ADGRF1: variants seen among roughly 807,000 people sequenced by gnomAD.
The protein encoded by ADGRF1 is adhesion G protein-coupled receptor F1, also known as G protein-coupled receptor 110.
Under a neutral mutation model 87.2 loss-of-function variants are expected in ADGRF1, and 85 were observed. That is an observed-to-expected ratio of 0.97 (90% confidence interval 0.82 to 1.17). ADGRF1 has a LOEUF of 1.17. Ranked by LOEUF, ADGRF1 falls within the 50% of genes most tolerant of loss-of-function variation. ADGRF1 has a pLI of 0.00. For synonymous variants in ADGRF1, 430 were observed against 408.8 expected (o/e 1.05, Z -0.63); for missense variants, 1,169 against 1,077.2 (o/e 1.09, Z -1.19).
chr6:47,019,576 C>T (rs189510900), intron 7 of ADGRF1: 7 of 284,344 alleles, frequency 2.5e-5, no homozygotes, highest in African/African-American at 1.6e-4. Context: ...CCCAGCTACT[C>T]GGGAGGCTGA....
chr6:47,021,865 T>A, intron 6 of ADGRF1, 93 bp downstream of exon 6: 1 of 694,006 alleles, frequency 1.4e-6, no homozygotes, highest in Non-Finnish European at 2.5e-6. Flanking sequence ...AACGAATAAT[T>A]AAGAATATGT....
intron 9 of ADGRF1, chr6:47,014,374 G>C (rs1779798149): frequency 9.5e-7 from 1 of 1,055,888 alleles, no homozygotes; most frequent in African/African-American, 1.7e-5. Flanking sequence ...GACTTCTGAG[G>C]CCAGCTTAGT....
Position 47,024,873 on chromosome 6 carries a change from A to G in ADGRF1, c.278-656T>C, listed in dbSNP as rs74868024. 4.5e-3 allele frequency among the ~76,000 whole-genome samples: 684 copies of G among 152,332 alleles called. 4 individuals carry two copies. The highest frequency in any genetic ancestry group is 0.016 in the African/African-American group (649 of 41,582). On this transcript the variant is annotated intron_variant, in intron 4 of 14. Transcript: ENST00000371253. Reference sequence around the variant, plus strand: ...GGATTAGCATGCAAAAGAAGGATGTATACCCCATACATAGCCACTGCAATG... The same window carrying G: ...GGATTAGCATGCAAAAGAAGGATGTGTACCCCATACATAGCCACTGCAATG...
chr6:47,030,574 ATATGTGTG>A (rs1780381849), intron 1 of ADGRF1, among the ~76,000 whole-genome samples: 1 of 99,220 alleles, frequency 1.0e-5, no homozygotes, highest in Admixed American at 9.6e-5. Context: ...GATAACATGA[ATATGTGTG>A]TGTGTGTGTG....
chr6:47,029,937 A>G lies in ADGRF1; in HGVS notation c.-43-833T>C, dbSNP rs1373267051. Among the ~76,000 whole-genome samples the G allele has an allele frequency of 2.6e-5, 4 of 152,360 alleles. No homozygotes were observed. In the East Asian group the frequency reaches 5.8e-4, roughly 22 times the overall value. ...CAGCATTGATAGAACTTAAAGGAAT[A>G]CCTTCTTCTGGCCTCTCAATGTTTC... is the stretch of plus-strand genomic sequence containing the variant. On this transcript the variant is annotated intron_variant, in intron 1 of 14. Transcript: ENST00000371253.
intron 10 of ADGRF1, among the ~76,000 whole-genome samples, 160 bp from the exon 11 acceptor site, chr6:47,010,478 C>T (rs1582148413): frequency 6.6e-6 from 1 of 152,208 alleles, no homozygotes; most frequent in Admixed American, 6.5e-5. Flanking sequence ...CTCAGTTCAT[C>T]TGTACAGTAG....
In ADGRF1 at chr6:47,010,250, C is replaced by G. The variant is rs778684162; in HGVS notation, c.1185G>C (p.Arg395=). Reference sequence around the variant, plus strand: ...ACCGTGAGCTGGCATACTTTTCTTCCCGCAGTAAGACTGTCCAGTTGGTTA... The same window carrying G: ...ACCGTGAGCTGGCATACTTTTCTTCGCGCAGTAAGACTGTCCAGTTGGTTA... ...ASVTNWTVLL[R]EEKYASSRLL... is the part of the protein sequence containing the mutation. The change falls in exon 11 of 15, where the codon CGG becomes CGC. Residue 395 remains arginine, a synonymous_variant. Transcript: ENST00000371253. The G allele has an allele frequency of 6.2e-7, 1 of 1,613,910 alleles. No homozygotes were observed. Among genetic ancestry groups the G allele is most frequent in the South Asian group, 1.1e-5 (1 of 91,066 alleles).
In ADGRF1 at chr6:47,009,268, G is replaced by C; in HGVS notation, c.2167C>G (p.Pro723Ala). 6.2e-7 allele frequency: 1 copy of C among 1,614,134 alleles called. No individual in the cohort carries two copies. The highest frequency in any genetic ancestry group is 2.2e-5 in the East Asian group (1 of 44,876). ...TCTTTCCTTTTGTAGGTATTGCTAGGTTGCGTGACAGCAATGGTAATGACA... is the reference window on the plus strand; with the variant it reads ...TCTTTCCTTTTGTAGGTATTGCTAGCTTGCGTGACAGCAATGGTAATGACA... ...ISVITIAVTQ[P>A]SNTYKRKDVC... The change falls in exon 11 of 15, where the codon CCT becomes GCT. Residue 723 changes from proline to alanine, a missense_variant. Pro to Ala is a conservative substitution (Grantham distance 27). Coordinates refer to ENST00000371253, the MANE Select transcript of ADGRF1 (RefSeq NM_153840.4).
intron 13 of ADGRF1, among the ~76,000 whole-genome samples, chr6:47,004,759 A>G (rs1300790289): frequency 1.3e-5 from 2 of 152,212 alleles, no homozygotes; most frequent in South Asian, 2.1e-4. Flanking sequence ...GAATGTGAGA[A>G]CTTCTGCTTT....
Position 47,014,686 on chromosome 6 carries a change from T to C in ADGRF1, c.922A>G (p.Asn308Asp). 6.2e-7 allele frequency: 1 copy of C among 1,613,184 alleles called. No homozygotes were observed. Among genetic ancestry groups the C allele is most frequent in the Non-Finnish European group, 8.5e-7 (1 of 1,179,740 alleles). ...ACACAGTGAAAATGCCTCACCTTGTTCAGTTCTTCAAGCAGAGAGAGCACA... is the reference window on the plus strand; with the variant it reads ...ACACAGTGAAAATGCCTCACCTTGTCCAGTTCTTCAAGCAGAGAGAGCACA... ...TCVLSLLEEL[N>D]KNFSMIVGNA... is the part of the protein sequence containing the mutation. The change falls in exon 9 of 15, where the codon AAC (asparagine) becomes GAC (aspartate). Residue 308 changes from asparagine to aspartate, a missense_variant. Physicochemically the swap from Asn to Asp is conservative, Grantham distance 23. Transcript: ENST00000371253.
At chr6:47,013,182 C>T (rs952494646) in intron 9 of ADGRF1, 22 of 985,362 alleles carry the variant, frequency 2.2e-5, no homozygotes, top group Admixed American at 6.2e-5. Context: ...ACATTAAGTC[C>T]ACTCAGGCGC....
intron 1 of ADGRF1, among the ~76,000 whole-genome samples, chr6:47,031,056 C>T (rs1582186837): frequency 6.6e-6 from 1 of 152,202 alleles, no homozygotes; most frequent in African/African-American, 2.4e-5. Context: ...AGCCACCATG[C>T]CCGGCCACTT....
At chr6:47,008,547 C>T (rs2113879642) in intron 11 of ADGRF1, among the ~76,000 whole-genome samples, 1 of 152,290 alleles carries the variant, frequency 6.6e-6, no homozygotes, top group East Asian at 1.9e-4. Context: ...TTGCATTTTG[C>T]TAGCCCCTTC....
At chr6:47,012,853 T>C in intron 9 of ADGRF1, 2 of 823,652 alleles carry the variant, frequency 2.4e-6, no homozygotes, top group South Asian at 5.5e-5. Context: ...CACTGCAACC[T>C]CTGCCTCCCA....
rs377018641 is a variant in ADGRF1, at chr6:47,029,047, C to T, written c.15G>A (p.Val5=). The change falls in exon 2 of 15, where the codon GTG becomes GTA. Residue 5 remains valine, a synonymous_variant. Coordinates refer to ENST00000371253, the MANE Select transcript of ADGRF1 (RefSeq NM_153840.4). MKVG[V]LWLISFFTFT... Reference sequence around the variant, plus strand: ...AGGTGAAGAAAGAAATGAGCCACAGCACTCCAACTTTCATTTTCCCTGGAC... The same window carrying T: ...AGGTGAAGAAAGAAATGAGCCACAGTACTCCAACTTTCATTTTCCCTGGAC... 1.9e-6 allele frequency: 3 copies of T among 1,613,972 alleles called. No homozygotes were observed. In the African/African-American group the frequency reaches 4.0e-5, roughly 22 times the overall value.
intron 10 of ADGRF1, among the ~76,000 whole-genome samples, 176 bp from the exon 11 acceptor site, chr6:47,010,494 T>C (rs917570138): frequency 1.3e-5 from 2 of 152,256 alleles, no homozygotes; most frequent in Admixed American, 6.5e-5. Context: ...AGTAGAAGCT[T>C]TGGGCAAAAT....
chr6:47,034,603 T>C (rs1257385175), intron 1 of ADGRF1, among the ~76,000 whole-genome samples: 2 of 152,260 alleles, frequency 1.3e-5, no homozygotes, highest in Non-Finnish European at 2.9e-5. Flanking sequence ...CATTGTGCCA[T>C]GCACTGGCTG....
chr6:47,029,334 G>GTGA (rs1780341186), intron 1 of ADGRF1, among the ~76,000 whole-genome samples: 1 of 151,618 alleles, frequency 6.6e-6, no homozygotes, highest in Non-Finnish European at 1.5e-5. Flanking sequence ...TCTCTTCCAA[G>GTGA]TGATGGTATC....
chr6:47,012,337 G>A (rs572361176), intron 9 of ADGRF1, 142 bp from the exon 10 acceptor site: 1 of 1,381,732 alleles, frequency 7.2e-7, no homozygotes, highest in East Asian at 2.5e-5. Flanking sequence ...TAGTAACAAA[G>A]GCTGTTATTC....
Sources: allele counts gnomAD v4.1 joint callset (sites outside exome capture counted in the v4.1 genomes callset), GRCh38; gene constraint gnomAD v4.1.1; transcripts MANE v1.5; gene names NCBI Gene and HGNC (gene_info 2026-07-23, HGNC 2026-07-21).